MON2: variants seen among roughly 807,000 people sequenced by gnomAD.
MON2 encodes protein MON2 homolog.
Under a neutral mutation model 208.6 loss-of-function variants are expected in MON2, and 84 were observed. The ratio of observed to expected loss-of-function variants is 0.40; its 90% CI spans 0.34 to 0.48. The LOEUF is 0.48. Ranked by LOEUF, MON2 falls within the 20% of genes least tolerant of loss-of-function variation. The probability of loss-of-function intolerance (pLI) is 0.59; values close to 1 mark genes in which losing one functional copy is unlikely to be tolerated. For missense variants in MON2, 1,611 were observed against 2,015.4 expected (o/e 0.80, Z 3.84); for synonymous variants, 660 against 694.0 (o/e 0.95, Z 0.77).
intron 34 of MON2, among the ~76,000 whole-genome samples, chr12:62,589,927 A>G (rs902117726): frequency 1.3e-5 from 2 of 152,170 alleles, no homozygotes; most frequent in Non-Finnish European, 2.9e-5. Context: ...CTCTGGGTCT[A>G]TGAAGTGAAA....
intron 8 of MON2, among the ~76,000 whole-genome samples, chr12:62,518,740 C>T (rs1592936957): frequency 6.6e-6 from 1 of 152,120 alleles, no homozygotes; most frequent in South Asian, 2.1e-4. Context: ...TACTTGTGAA[C>T]TGTGGGTGAT....
intron 34 of MON2, among the ~76,000 whole-genome samples, chr12:62,590,265 G>A (rs1035996742): frequency 6.6e-6 from 1 of 151,938 alleles, no homozygotes; most frequent in Non-Finnish European, 1.5e-5. Flanking sequence ...TAATTGTTTT[G>A]TATTTTCAGT....
Position 62,555,042 on chromosome 12 carries a change from C to T in MON2, c.3211-952C>T, listed in dbSNP as rs182633459. Reference sequence around the variant, plus strand: ...CGATCTCCTGACCTCGTGATCCGCCCGCCTCGGCCTCCCAAAGTGCTGGGA... The same window carrying T: ...CGATCTCCTGACCTCGTGATCCGCCTGCCTCGGCCTCCCAAAGTGCTGGGA... On this transcript the variant is annotated intron_variant, in intron 24 of 34. Transcript: ENST00000393630. Among the ~76,000 whole-genome samples the T allele has an allele frequency of 3.3e-3, 495 of 152,232 alleles. 5 individuals are homozygous for T. The highest frequency in any genetic ancestry group is 0.021 in the East Asian group (108 of 5,176).
At chr12:62,555,675 G>C (rs2073936554) in intron 24 of MON2, among the ~76,000 whole-genome samples, 2 of 151,958 alleles carry the variant, frequency 1.3e-5, no homozygotes, top group Admixed American at 1.3e-4. Context: ...CTGGTGTGGT[G>C]GTGGACACCT....
chr12:62,480,679 G>T (rs1018195265), intron 1 of MON2, among the ~76,000 whole-genome samples: 8 of 152,214 alleles, frequency 5.3e-5, no homozygotes, highest in African/African-American at 1.9e-4. Flanking sequence ...AGGAAATCAG[G>T]ACTATGGCGA....
At chr12:62,496,758 A>T (rs569462125) in intron 4 of MON2, among the ~76,000 whole-genome samples, 2 of 152,352 alleles carry the variant, frequency 1.3e-5, no homozygotes, top group South Asian at 4.1e-4. Flanking sequence ...CTTAAAATTC[A>T]TTCATAATGA....
At chr12:62,509,851 C>A (rs1592912497) in intron 8 of MON2, among the ~76,000 whole-genome samples, 2 of 145,962 alleles carry the variant, frequency 1.4e-5, no homozygotes, top group African/African-American at 2.5e-5. Context: ...AATAGAAAAG[C>A]AATAGAGAGA....
At chr12:62,549,389 G>T (rs1279071975) in intron 22 of MON2, among the ~76,000 whole-genome samples, 1 of 151,316 alleles carries the variant, frequency 6.6e-6, no homozygotes, top group African/African-American at 2.4e-5. Flanking sequence ...GGAGGCTAAG[G>T]CAGGAGGATC....
At chr12:62,568,956 C>A (rs1254484091) in intron 29 of MON2, among the ~76,000 whole-genome samples, 11 of 152,118 alleles carry the variant, frequency 7.2e-5, no homozygotes, top group Admixed American at 7.2e-4. Context: ...CCGAGCCACT[C>A]AGTTTGTATT....
rs756267667 is a variant in MON2 at position 62,467,277 on chromosome 12, T to G, written c.70T>G (p.Leu24Val). Residue 24 changes from leucine to valine, a missense_variant, in exon 1 of 35, where the codon TTG (leucine) becomes GTG (valine). Transcript: ENST00000393630. ...LENMQSDLRA[L>V]SLECKKKFPP... ...GAATATGCAGAGCGACTTGCGCGCC[T>G]TGTCACTGGAGTGCAAGAAGAAATT... 1.9e-6 allele frequency: 3 copies of G among 1,614,080 alleles called. No homozygotes were observed. The East Asian group carries it at 6.7e-5, about 36-fold the overall frequency.
chr12:62,592,695 T>G lies in MON2; in HGVS notation c.5100T>G (p.Pro1700=), dbSNP rs1279430744. 80 of 1,607,636 alleles carry G rather than the reference T, an allele frequency of 5.0e-5. No individual in the cohort carries two copies. The highest frequency in any genetic ancestry group is 6.6e-5 in the Non-Finnish European group (78 of 1,175,364). ...VCSALKEALV[P]FKDFMQPPAS... is the part of the protein sequence containing the mutation. ...CTGCACTTAAAGAGGCACTAGTTCCTTTTAAGGATTTCATGCAGCCACCAG... is the reference window on the plus strand; with the variant it reads ...CTGCACTTAAAGAGGCACTAGTTCCGTTTAAGGATTTCATGCAGCCACCAG... Residue 1700 remains proline, a synonymous_variant, in exon 35 of 35, where the codon CCT becomes CCG. Coordinates refer to ENST00000393630, the MANE Select transcript of MON2 (RefSeq NM_015026.3).
At chr12:62,538,889 T>C (rs539085123) in intron 19 of MON2, among the ~76,000 whole-genome samples, 2 of 152,232 alleles carry the variant, frequency 1.3e-5, no homozygotes, top group South Asian at 4.1e-4. Flanking sequence ...TTCCTTTGCT[T>C]TCATTGGGAT....
At chr12:62,579,257 T>G (rs2074909999) in intron 31 of MON2, among the ~76,000 whole-genome samples, 1 of 150,748 alleles carries the variant, frequency 6.6e-6, no homozygotes, top group Non-Finnish European at 1.5e-5. Context: ...AAAAAAAAAG[T>G]AAAAAAAATA....
chr12:62,571,449 C>A lies in MON2; in HGVS notation c.4381C>A (p.Leu1461Ile), dbSNP rs376842498. The A allele has an allele frequency of 3.1e-6, 5 of 1,613,170 alleles. No homozygotes were observed. Among genetic ancestry groups the A allele is most frequent in the Non-Finnish European group, 4.2e-6 (5 of 1,179,316 alleles). ...YSCPSESTWK[L>I]AVSSLLRVLS... ...CTGCCCTTCTGAAAGCACATGGAAACTAGCAGTATCCTCTCTCCTCAGAGT... is the reference window on the plus strand; with the variant it reads ...CTGCCCTTCTGAAAGCACATGGAAAATAGCAGTATCCTCTCTCCTCAGAGT... The change falls in exon 30 of 35, where the codon CTA becomes ATA. Residue 1461 changes from leucine to isoleucine, a missense_variant. Coordinates refer to ENST00000393630, the MANE Select transcript of MON2 (RefSeq NM_015026.3).
rs1319570064 is a variant in MON2 at position 62,593,261 on chromosome 12, G to C, written c.*512G>C. On this transcript the variant is annotated 3_prime_UTR_variant, in exon 35 of 35. Transcript: ENST00000393630. Reference sequence around the variant, plus strand: ...GATATACTTGTGTGTATAATAAATGGTACAGTTCTGTATAAAATAGTGCAT... The same window carrying C: ...GATATACTTGTGTGTATAATAAATGCTACAGTTCTGTATAAAATAGTGCAT... The C allele has an allele frequency of 4.6e-5, 7 of 152,626 alleles. No homozygotes were observed. Among genetic ancestry groups the C allele is most frequent in the Non-Finnish European group, 1.0e-4 (7 of 68,076 alleles). 9.5% of individuals were successfully genotyped at this position (152,626 alleles called of 1,614,324 possible). A position where few individuals can be genotyped will look rare whatever the true frequency, so the allele number is the denominator to read the frequency against.
intron 33 of MON2, among the ~76,000 whole-genome samples, chr12:62,587,348 T>G (rs1297728569): frequency 6.6e-6 from 1 of 151,742 alleles, no homozygotes; most frequent in Non-Finnish European, 1.5e-5. Flanking sequence ...CCATTTAAGC[T>G]TTGGCAAATC....
intron 1 of MON2, among the ~76,000 whole-genome samples, chr12:62,476,583 C>T (rs1264432588): frequency 3.3e-5 from 5 of 151,996 alleles, no homozygotes; most frequent in Non-Finnish European, 5.9e-5. Flanking sequence ...TACAGGTGCA[C>T]ACCACTACTG....
chr12:62,553,754 A>C (rs1436810249), intron 24 of MON2, among the ~76,000 whole-genome samples: 1 of 152,172 alleles, frequency 6.6e-6, no homozygotes, highest in Non-Finnish European at 1.5e-5. Flanking sequence ...TCAGCAGTTT[A>C]TTAGTGATCA....
intron 8 of MON2, among the ~76,000 whole-genome samples, chr12:62,520,731 C>T (rs2071983827): frequency 6.6e-6 from 1 of 151,566 alleles, no homozygotes; most frequent in African/African-American, 2.4e-5. Context: ...TTGAGACCAA[C>T]CTGGCCAACC....
Sources: allele counts gnomAD v4.1 joint callset (sites outside exome capture counted in the v4.1 genomes callset), GRCh38; gene constraint gnomAD v4.1.1; transcripts MANE v1.5; gene names NCBI Gene and HGNC (gene_info 2026-07-23, HGNC 2026-07-21).